TCAIM: variants seen among roughly 807,000 people sequenced by gnomAD.
TCAIM encodes T cell activation inhibitor, mitochondrial, also known as T-cell activation inhibitor, mitochondrial.
A neutral mutation model predicts 58.6 loss-of-function variants in TCAIM; 36 were observed. That is an observed-to-expected ratio of 0.61 (90% confidence interval 0.47 to 0.81). The LOEUF (loss-of-function observed/expected upper bound fraction) is 0.81. TCAIM is among the 30% of genes least tolerant of loss of function. The probability of loss-of-function intolerance (pLI) is 0.00; values close to 1 mark genes in which losing one functional copy is unlikely to be tolerated. For missense variants in TCAIM, 466 were observed against 579.6 expected (o/e 0.80, Z 2.01); for synonymous variants, 172 against 193.6 (o/e 0.89, Z 0.93).
At chr3:44,347,825 A>G (rs1408967878) in intron 1 of TCAIM, among the ~76,000 whole-genome samples, 1 of 152,124 alleles carries the variant, frequency 6.6e-6, no homozygotes, top group East Asian at 1.9e-4. Context: ...AAGGGGGTGC[A>G]TGATTGGTCA....
At chr3:44,395,940 T>C (rs1023808710) in intron 6 of TCAIM, among the ~76,000 whole-genome samples, 1 of 152,184 alleles carries the variant, frequency 6.6e-6, no homozygotes, top group African/African-American at 2.4e-5. Context: ...TGAGCCGTGA[T>C]TACACCACTG....
rs543044462 is a variant in TCAIM at position 44,364,303 on chromosome 3, G to C, written c.319+2785G>C. On this transcript the variant is annotated intron_variant, in intron 4 of 10. Coordinates refer to ENST00000342649, the MANE Select transcript of TCAIM (RefSeq NM_173826.4). Reference sequence around the variant, plus strand: ...AACTAGAAATGGGAGAAAAGATATAGCATATATGACAAAAAGATGATGCTA... The same window carrying C: ...AACTAGAAATGGGAGAAAAGATATACCATATATGACAAAAAGATGATGCTA... Among the ~76,000 whole-genome samples the C allele has an allele frequency of 2.6e-5, 4 of 151,372 alleles. No individual in the cohort carries two copies. The East Asian group carries it at 7.7e-4, about 29-fold the overall frequency.
intron 1 of TCAIM, among the ~76,000 whole-genome samples, chr3:44,348,440 C>T (rs1174750992): frequency 6.6e-6 from 1 of 152,212 alleles, no homozygotes; most frequent in Non-Finnish European, 1.5e-5. Flanking sequence ...TCCTGGGCTG[C>T]AGGCATTCCT....
chr3:44,372,007 A>AAG (rs1559570853), intron 5 of TCAIM, among the ~76,000 whole-genome samples: 10 of 143,642 alleles, frequency 7.0e-5, no homozygotes, highest in African/African-American at 1.6e-4. Context: ...AGAGAGAAAG[A>AAG]GAGAAGGAAG....
At chr3:44,384,501 T>C (rs1356481325) in intron 5 of TCAIM, among the ~76,000 whole-genome samples, 4 of 152,210 alleles carry the variant, frequency 2.6e-5, no homozygotes, top group African/African-American at 9.7e-5. Context: ...TTAAGACACG[T>C]AGAGATAAAT....
intron 1 of TCAIM, among the ~76,000 whole-genome samples, chr3:44,351,582 C>T (rs1701089699): frequency 6.6e-6 from 1 of 152,040 alleles, no homozygotes; most frequent in Non-Finnish European, 1.5e-5. Context: ...CCAACCTCTG[C>T]CTCCCGGGTT....
intron 10 of TCAIM, among the ~76,000 whole-genome samples, chr3:44,404,808 A>G (rs935541737): frequency 7.2e-6 from 1 of 139,100 alleles, no homozygotes; most frequent in Non-Finnish European, 1.6e-5. Context: ...AGTTTTTGCC[A>G]TTTTTTTATG....
chr3:44,400,672 C>A (rs1433414733), intron 9 of TCAIM, 85 bp downstream of exon 9: 1 of 1,148,378 alleles, frequency 8.7e-7, no homozygotes, highest in Non-Finnish European at 1.3e-6. Context: ...TTTTGTATTT[C>A]AATGGGTAGT....
At position 44,353,392 on chromosome 3, in the gene TCAIM, C is replaced by T. The variant is rs575311186; in HGVS notation, c.-44-1347C>T. Among the ~76,000 whole-genome samples the T allele has an allele frequency of 2.6e-4, 40 of 152,284 alleles. 1 individual carries two copies. The highest frequency in any genetic ancestry group is 5.3e-4 in the African/African-American group (22 of 41,556). On this transcript the variant is annotated intron_variant, in intron 1 of 10. Coordinates refer to ENST00000342649, the MANE Select transcript of TCAIM (RefSeq NM_173826.4). ...AATAAAGCCTCTGTAAACACCTGTG[C>T]GCTAGTTGTTGTGTGGACATAGTTT... is the stretch of plus-strand genomic sequence containing the variant.
intron 5 of TCAIM, among the ~76,000 whole-genome samples, chr3:44,378,393 C>A (rs555959868): frequency 3.3e-5 from 5 of 151,360 alleles, no homozygotes; most frequent in East Asian, 3.9e-4. Context: ...CCCTACCCCC[C>A]CAAAAAAAAA....
At chr3:44,401,090 G>T in intron 9 of TCAIM, 113 bp from the exon 10 acceptor site, 31 of 1,447,336 alleles carry the variant, frequency 2.1e-5, no homozygotes, top group Non-Finnish European at 2.9e-5. Context: ...TACTTTTGAG[G>T]TGGCTTTTCT....
chr3:44,349,237 G>A (rs1016857704), intron 1 of TCAIM, among the ~76,000 whole-genome samples: 12 of 152,184 alleles, frequency 7.9e-5, no homozygotes, highest in African/African-American at 1.9e-4. Context: ...AGGGACCGAC[G>A]TGTAAAAGAA....
At chr3:44,389,002 T>C (rs1239920770) in intron 5 of TCAIM, among the ~76,000 whole-genome samples, 1 of 152,212 alleles carries the variant, frequency 6.6e-6, no homozygotes, top group African/African-American at 2.4e-5. Context: ...TATATCTGTA[T>C]ATATTAAAAG....
chr3:44,372,009 A>G (rs547793875), intron 5 of TCAIM, among the ~76,000 whole-genome samples: 8 of 115,570 alleles, frequency 6.9e-5, no homozygotes, highest in African/African-American at 2.8e-4. Flanking sequence ...AGAGAAAGAG[A>G]GAAGGAAGGA....
intron 3 of TCAIM, chr3:44,358,345 G>C: frequency 1.3e-6 from 1 of 746,794 alleles, no homozygotes; most frequent in Non-Finnish European, 2.3e-6. Flanking sequence ...AATGACTTAT[G>C]GTAGATGTAG....
chr3:44,396,718 C>G, intron 7 of TCAIM, 25 bp from the exon 8 acceptor site: 1 of 1,608,106 alleles, frequency 6.2e-7, no homozygotes, highest in African/African-American at 1.3e-5. Context: ...CGACCATGAC[C>G]AAAGGTTTTG....
intron 8 of TCAIM, among the ~76,000 whole-genome samples, chr3:44,399,183 T>C (rs552346516): frequency 1.3e-5 from 2 of 152,326 alleles, no homozygotes; most frequent in South Asian, 2.1e-4. Flanking sequence ...CTGAGTAAGA[T>C]TAATGAATTG....
intron 1 of TCAIM, chr3:44,339,965 C>T (rs1233301478): frequency 1.3e-5 from 2 of 152,294 alleles, no homozygotes; most frequent in African/African-American, 4.8e-5. Flanking sequence ...CGGTATGCCT[C>T]CCAAGTGTGA....
At chr3:44,380,682 T>C (rs1258455241) in intron 5 of TCAIM, among the ~76,000 whole-genome samples, 1 of 151,592 alleles carries the variant, frequency 6.6e-6, no homozygotes, top group Non-Finnish European at 1.5e-5. Flanking sequence ...ATAAACAAAA[T>C]GGAGAATAGA....
Sources: gnomAD v4.1 joint callset for allele counts (sites outside exome capture counted in the v4.1 genomes callset) on GRCh38, gnomAD v4.1.1 for gene constraint, MANE v1.5 for transcripts, NCBI Gene and HGNC (gene_info 2026-07-23, HGNC 2026-07-21) for gene names.